The following GEMIN8 variants were observed in gnomAD, a reference collection of about 807,000 sequenced individuals.
GEMIN8 encodes the protein gem nuclear organelle associated protein 8.
For missense variants in GEMIN8, 185 were observed against 205.9 expected (o/e 0.90, Z 0.62); for synonymous variants, 80 against 78.5 (o/e 1.02, Z -0.10).
chrX:13,989,811 G>C, the GEMIN8 span, among the ~76,000 whole-genome samples: 3 of 112,658 alleles, frequency 2.7e-5, no homozygotes, highest in Non-Finnish European at 5.6e-5. Context: ...AGATTTAGAG[G>C]AGTACTTGAG....
At chrX:14,028,509 GAGA>G in intron 1 of GEMIN8, among the ~76,000 whole-genome samples, 1 of 111,374 alleles carries the variant, frequency 9.0e-6, no homozygotes, top group East Asian at 2.8e-4. Context: ...TCCTCTTGTA[GAGA>G]AGTTGTTCAA....
At chrX:14,026,512 C>T in intron 1 of GEMIN8, 1 of 252,599 alleles carries the variant, frequency 4.0e-6, no homozygotes, top group Middle Eastern at 2.4e-3. Context: ...CACTTCAGTA[C>T]ATCTGCTCAT....
rs149168566 is a variant in GEMIN8 at position 14,029,112 on chromosome X, G to C, written c.-116+665C>G. On this transcript the variant is annotated intron_variant, in intron 1 of 4. Coordinates refer to ENST00000680255, the MANE Select transcript of GEMIN8 (RefSeq NM_001042479.2). Reference sequence around the variant, plus strand: ...GTACTAAGGGAACATCAAGATTTCAGAGCTAAAATGCACTTCGTTGGCCAC... The same window carrying C: ...GTACTAAGGGAACATCAAGATTTCACAGCTAAAATGCACTTCGTTGGCCAC... 5.7e-3 allele frequency among the ~76,000 whole-genome samples: 640 copies of C among 111,994 alleles called. 10 individuals are homozygous for C. The East Asian group carries it at 0.096, about 17-fold the overall frequency.
In GEMIN8 at chrX:14,009,066, C is replaced by T. The variant is rs1923346975; in HGVS notation, c.576G>A (p.Arg192=). 1 of 1,210,790 alleles carries T rather than the reference C, an allele frequency of 8.3e-7. No homozygotes were observed. Among genetic ancestry groups the T allele is most frequent in the Admixed American group, 2.2e-5 (1 of 45,895 alleles). The change falls in exon 5 of 5, where the codon AGG becomes AGA. Residue 192 remains arginine, a synonymous_variant. Coordinates refer to ENST00000680255, the MANE Select transcript of GEMIN8 (RefSeq NM_001042479.2). ...TRRSVEAPTE[R]PGERRQAEMK... ...TCTCGGCCTGGCGCCGCTCACCAGG[C>T]CTCTCAGTTGGGGCTTCTACCGACC...
At chrX:13,991,036 C>G in the GEMIN8 span, among the ~76,000 whole-genome samples, 1 of 112,913 alleles carries the variant, frequency 8.9e-6, no homozygotes, top group South Asian at 3.6e-4. Flanking sequence ...CTGGCCTGCA[C>G]TTTGCTTTTT....
Position 14,009,168 on chromosome X carries a change from C to T in GEMIN8, c.474G>A (p.Arg158=), listed in dbSNP as rs1459952949. The T allele has an allele frequency of 8.3e-7, 1 of 1,210,756 alleles. No homozygotes were observed. The highest frequency in any genetic ancestry group is 2.2e-5 in the Admixed American group (1 of 46,048). The change falls in exon 5 of 5, where the codon CGG becomes CGA. Residue 158 remains arginine, a splice_region_variant and synonymous_variant. Coordinates refer to ENST00000680255, the MANE Select transcript of GEMIN8 (RefSeq NM_001042479.2). The stretch of plus-strand genomic sequence containing the variant: ...GCTCTGCATCCAGCTGCTGCTGCCG[C>T]CCTGAGAACAAACACGAACGTGAAC... ...AETERHREER[R]RQQQLDAERL...
At chrX:14,026,070 C>A (rs1051319355) in intron 2 of GEMIN8, 70 bp downstream of exon 2, 1 of 746,846 alleles carries the variant, frequency 1.3e-6, no homozygotes, top group Non-Finnish European at 1.6e-6. Flanking sequence ...GAAAAGAGAG[C>A]TGATGGTTGC....
At chrX:13,996,488 T>C in the GEMIN8 span, among the ~76,000 whole-genome samples, 1 of 111,454 alleles carries the variant, frequency 9.0e-6, no homozygotes, top group Non-Finnish European at 1.9e-5. Flanking sequence ...ACTTATTCAC[T>C]ATCATGAGAA....
intron 2 of GEMIN8, among the ~76,000 whole-genome samples, chrX:14,023,713 T>C (rs1240799631): frequency 2.7e-5 from 3 of 112,235 alleles, no homozygotes; most frequent in African/African-American, 9.7e-5. Flanking sequence ...TCTGAATAAT[T>C]TTCTGAGAGC....
At chrX:14,009,500 G>A (rs760496018) in intron 4 of GEMIN8, among the ~76,000 whole-genome samples, 3 of 111,120 alleles carry the variant, frequency 2.7e-5, no homozygotes, top group Non-Finnish European at 5.7e-5. Flanking sequence ...AGAGATTGCA[G>A]TGTACCACTA....
At chrX:14,023,873 C>T (rs889101117) in intron 2 of GEMIN8, among the ~76,000 whole-genome samples, 5 of 112,443 alleles carry the variant, frequency 4.4e-5, no homozygotes, top group African/African-American at 1.3e-4. Context: ...ATCCAGACTT[C>T]TTTCTACGCA....
the GEMIN8 span, among the ~76,000 whole-genome samples, chrX:14,000,384 T>C: frequency 1.8e-5 from 2 of 110,436 alleles, no homozygotes; most frequent in African/African-American, 6.6e-5. Flanking sequence ...ATCACAAGGT[T>C]AGGAGATCGA....
intron 4 of GEMIN8, 25 bp downstream of exon 4, chrX:14,020,053 T>C: frequency 1.1e-6 from 1 of 931,212 alleles, no homozygotes; most frequent in Non-Finnish European, 1.5e-6. Flanking sequence ...AAAGGAAGCA[T>C]GAAGAGACAG....
intron 4 of GEMIN8, among the ~76,000 whole-genome samples, chrX:14,015,219 A>G (rs942210251): frequency 1.8e-5 from 2 of 111,947 alleles, no homozygotes; most frequent in Non-Finnish European, 3.8e-5. Flanking sequence ...TTTTCCCTCT[A>G]AGTATTAGCA....
At chrX:14,014,418 T>C (rs888156327) in intron 4 of GEMIN8, 1 of 751,433 alleles carries the variant, frequency 1.3e-6, no homozygotes, top group East Asian at 1.5e-4. Context: ...ATCCTGAAGT[T>C]ACTGGACAAC....
chrX:14,001,531 T>C, the GEMIN8 span, among the ~76,000 whole-genome samples: 20 of 110,952 alleles, frequency 1.8e-4, no homozygotes, highest in Non-Finnish European at 3.2e-4. Flanking sequence ...CATGCGCTTT[T>C]TTTCCCCTGA....
chrX:13,987,649 A>T, the GEMIN8 span, among the ~76,000 whole-genome samples: 2 of 112,028 alleles, frequency 1.8e-5, no homozygotes, highest in Non-Finnish European at 3.8e-5. Flanking sequence ...TCCCTAAGAC[A>T]CTGTCCTCTT....
At chrX:13,999,404 G>A in the GEMIN8 span, among the ~76,000 whole-genome samples, 1 of 108,428 alleles carries the variant, frequency 9.2e-6, no homozygotes, top group Non-Finnish European at 1.9e-5. Context: ...AGCCTCCTGA[G>A]TAGCTGGGAT....
Position 14,009,142 on chromosome X carries a change from C to A in GEMIN8, c.500G>T (p.Arg167Leu), listed in dbSNP as rs1487468361. The change falls in exon 5 of 5, where the codon CGC (arginine) becomes CTC (leucine). Residue 167 changes from arginine (R) to leucine (L), a missense_variant. By Grantham distance (102) the Arg-to-Leu change is moderately radical. Transcript: ENST00000680255. The part of the protein sequence containing the change: ...RRRQQQLDAE[R>L]LDSYVNADHD... ...GTCAGCGTTCACATAGCTGTCCAGG[C>A]GCTCTGCATCCAGCTGCTGCTGCCG... 19 of 1,210,996 alleles carry A rather than the reference C, an allele frequency of 1.6e-5. No individual in the cohort carries two copies. Among genetic ancestry groups the A allele is most frequent in the Non-Finnish European group, 1.9e-5 (17 of 894,577 alleles).
Sources: allele counts gnomAD v4.1 joint callset (sites outside exome capture counted in the v4.1 genomes callset), GRCh38; gene constraint gnomAD v4.1.1; transcripts MANE v1.5; gene names NCBI Gene and HGNC (gene_info 2026-07-23, HGNC 2026-07-21).